Variants in CRISP1 observed in about 807,000 individuals in gnomAD.
The protein encoded by CRISP1 is cysteine rich secretory protein 1.
In CRISP1, 44 loss-of-function variants were observed where a neutral mutation model predicts 33.1. The ratio of observed to expected loss-of-function variants is 1.33; its 90% CI spans 1.05 to 1.71. The LOEUF (loss-of-function observed/expected upper bound fraction) is 1.71. Ranked by LOEUF, CRISP1 falls within the 40% of genes most tolerant of loss-of-function variation. CRISP1 has a pLI of 0.00. For missense variants in CRISP1, 390 were observed against 301.2 expected, an observed-to-expected ratio of 1.29 and a Z score of -2.18; for synonymous variants, 103 against 98.7, an observed-to-expected ratio of 1.04 and a Z score of -0.26.
At chr6:49,843,568 G>A (rs1415458892) in intron 5 of CRISP1, among the ~76,000 whole-genome samples, 1 of 152,124 alleles carries the variant, frequency 6.6e-6, no homozygotes, top group Non-Finnish European at 1.5e-5. Context: ...TCCAGCCTTT[G>A]TGAATTCAAT....
chr6:49,856,845 A>G (rs777063754), intron 2 of CRISP1, among the ~76,000 whole-genome samples: 38 of 152,078 alleles, frequency 2.5e-4, no homozygotes, highest in Middle Eastern at 3.4e-3. Context: ...TATTAGTGAG[A>G]TTATTGTTTT....
intron 2 of CRISP1, among the ~76,000 whole-genome samples, chr6:49,855,115 C>A (rs560541830): frequency 6.6e-6 from 1 of 152,176 alleles, no homozygotes; most frequent in South Asian, 2.1e-4. Flanking sequence ...AACAAACACA[C>A]TCTTTATTTT....
intron 1 of CRISP1, among the ~76,000 whole-genome samples, chr6:49,864,543 A>G (rs1771749698): frequency 6.6e-6 from 1 of 152,054 alleles, no homozygotes; most frequent in Non-Finnish European, 1.5e-5. Context: ...TCATACTTCC[A>G]TCAGCTTCAT....
intron 1 of CRISP1, among the ~76,000 whole-genome samples, chr6:49,874,132 A>G (rs966980041): frequency 2.6e-5 from 4 of 152,058 alleles, no homozygotes; most frequent in Admixed American, 2.6e-4. Context: ...GAGGAGGGAG[A>G]CATTTTCAGT....
At chr6:49,872,180 G>C (rs536293582) in intron 1 of CRISP1, among the ~76,000 whole-genome samples, 35 of 152,174 alleles carry the variant, frequency 2.3e-4, no homozygotes, top group African/African-American at 7.5e-4. Context: ...ATGTGTCTTT[G>C]GGCTGCATAA....
intron 1 of CRISP1, among the ~76,000 whole-genome samples, chr6:49,872,735 G>C (rs890940113): frequency 5.9e-5 from 9 of 152,018 alleles, no homozygotes; most frequent in African/African-American, 2.2e-4. Context: ...ATTTCTGAGG[G>C]CTGTGTTCTG....
At chr6:49,862,192 T>C (rs1479610313) in intron 1 of CRISP1, among the ~76,000 whole-genome samples, 2 of 152,130 alleles carry the variant, frequency 1.3e-5, no homozygotes, top group African/African-American at 2.4e-5. Context: ...GATAAGTAAG[T>C]TAAATAACTT....
chr6:49,864,262 T>C (rs1432868015), intron 1 of CRISP1, among the ~76,000 whole-genome samples: 2 of 152,146 alleles, frequency 1.3e-5, no homozygotes, highest in South Asian at 2.1e-4. Flanking sequence ...ATACACACAG[T>C]ATAATTAATT....
At chr6:49,868,930 G>A (rs901545542), upstream of CRISP1, among the ~76,000 whole-genome samples, 1 of 152,024 alleles carries the variant, frequency 6.6e-6, no homozygotes, top group Non-Finnish European at 1.5e-5. Flanking sequence ...AAGAACCCTG[G>A]GAGATTAATG....
At chr6:49,866,826 C>T (rs1403069483), upstream of CRISP1, among the ~76,000 whole-genome samples, 1 of 152,110 alleles carries the variant, frequency 6.6e-6, no homozygotes, top group East Asian at 1.9e-4. Context: ...AGAAACTTCT[C>T]AACTTTATTA....
chr6:49,856,110 A>G (rs10948531), intron 2 of CRISP1, among the ~76,000 whole-genome samples: 6,964 of 152,218 alleles, frequency 0.046, 216 homozygotes, highest in Admixed American at 0.085. Flanking sequence ...CGGATTGGGT[A>G]TGGTTTCCCT....
At chr6:49,867,238 A>C (rs1327417724), upstream of CRISP1, among the ~76,000 whole-genome samples, 1 of 152,128 alleles carries the variant, frequency 6.6e-6, no homozygotes, top group Non-Finnish European at 1.5e-5. Flanking sequence ...ACAGACAGAA[A>C]TCACATATGA....
rs1431541628 is a variant in CRISP1, at chr6:49,836,481, G to A, written c.623-1038C>T. On this transcript the variant is annotated intron_variant, in intron 7 of 7. Coordinates refer to ENST00000335847, the MANE Select transcript of CRISP1 (RefSeq NM_001131.3). ...CTCCCGAGTAGCTGGGACTACAGGC[G>A]CCCGCCATCACGCCCTGCTAATTTT... Among the ~76,000 whole-genome samples, 6 of 150,986 alleles carry A rather than the reference G, an allele frequency of 4.0e-5. No individual in the cohort carries two copies. In the East Asian group the frequency reaches 9.7e-4, roughly 24 times the overall value.
rs114328736 is a variant in CRISP1, at chr6:49,866,027, G to C, written c.-3+402C>G. Reference sequence around the variant, plus strand: ...AATGTCAAGTTATAAAAGTGACAGAGGACCACTACCTGTTTGACTATGGCC... The same window carrying C: ...AATGTCAAGTTATAAAAGTGACAGACGACCACTACCTGTTTGACTATGGCC... On this transcript the variant is annotated intron_variant, in intron 1 of 7. Transcript: ENST00000335847. Among the ~76,000 whole-genome samples the C allele has an allele frequency of 1.4e-3, 217 of 152,192 alleles. 1 individual carries two copies. Among genetic ancestry groups the C allele is most frequent in the Non-Finnish European group, 2.1e-3 (144 of 68,006 alleles).
In CRISP1 at chr6:49,841,005, TAA is replaced by T; in HGVS notation, c.436-12_436-11del. On this transcript the variant is annotated splice_polypyrimidine_tract_variant and intron_variant, in intron 5 of 7. Coordinates refer to ENST00000335847, the MANE Select transcript of CRISP1 (RefSeq NM_001131.3). ...ATGTGGCCCAAACAATCTGCAATGATAAAGAGTTGTTTTATTACAGATTAAAT... is the reference window on the plus strand; with the variant it reads ...ATGTGGCCCAAACAATCTGCAATGATAGAGTTGTTTTATTACAGATTAAAT... 2 of 1,605,062 alleles carry T rather than the reference TAA, an allele frequency of 1.2e-6. No individual in the cohort carries two copies. Among genetic ancestry groups the T allele is most frequent in the African/African-American group, 2.7e-5 (2 of 74,872 alleles).
intron 2 of CRISP1, among the ~76,000 whole-genome samples, chr6:49,855,951 T>C (rs776598962): frequency 6.6e-6 from 1 of 152,230 alleles, no homozygotes. Context: ...TTTATCTTCT[T>C]GTTTAAATTT....
chr6:49,846,560 G>T lies in CRISP1; in HGVS notation c.395C>A (p.Thr132Lys). ...AGTAGTTATGTCATCATCCGTTGTT[G>T]TCCATTCTCCATGTTTGAAACTTGT... is the stretch of plus-strand genomic sequence containing the variant. ...ESTSFKHGEW[T>K]TTDDDITTDH... Residue 132 changes from threonine (T) to lysine (K), a missense_variant, in exon 5 of 8, where the codon ACA becomes AAA. By Grantham distance (78) the Thr-to-Lys change is moderately conservative. Coordinates refer to ENST00000335847, the MANE Select transcript of CRISP1 (RefSeq NM_001131.3). 6.2e-7 allele frequency: 1 copy of T among 1,613,524 alleles called. No individual in the cohort carries two copies.
At chr6:49,848,107 TC>T in intron 4 of CRISP1, 101 bp downstream of exon 4, 1 of 629,976 alleles carries the variant, frequency 1.6e-6, no homozygotes, top group East Asian at 2.7e-5. Context: ...AATGAGGAAA[TC>T]TAGATGACTT....
chr6:49,855,412 C>T (rs1239281093), intron 2 of CRISP1, among the ~76,000 whole-genome samples: 2 of 152,012 alleles, frequency 1.3e-5, no homozygotes, highest in East Asian at 1.9e-4. Context: ...TATTCTCAGC[C>T]TCTATTTAGG....
Sources: allele counts gnomAD v4.1 joint callset (sites outside exome capture counted in the v4.1 genomes callset), GRCh38; gene constraint gnomAD v4.1.1; transcripts MANE v1.5; gene names NCBI Gene and HGNC (gene_info 2026-07-23, HGNC 2026-07-21).